Variants in AHCYL2 observed in about 807,000 individuals in gnomAD.
AHCYL2 encodes S-adenosylhomocysteine hydrolase-like protein 2.
AHCYL2 carries 28 observed loss-of-function variants against 81.4 expected under a neutral mutation model. The observed-to-expected ratio is 0.34, with a 90% CI of 0.25 to 0.47. AHCYL2 has a LOEUF of 0.47. AHCYL2 is among the 20% of genes least tolerant of loss of function. The pLI is 1.00. For missense variants in AHCYL2, 551 were observed against 785.1 expected (o/e 0.70, Z 3.56); for synonymous variants, 272 against 290.2 (o/e 0.94, Z 0.64).
In AHCYL2 at chr7:129,426,581, G is replaced by T; in HGVS notation, c.1829+18G>T. 1 of 1,610,878 alleles carries T rather than the reference G, an allele frequency of 6.2e-7. No individual in the cohort carries two copies. The highest frequency in any genetic ancestry group is 8.5e-7 in the Non-Finnish European group (1 of 1,178,470). On this transcript the variant is annotated intron_variant, in intron 16 of 16. Coordinates refer to ENST00000325006, the MANE Select transcript of AHCYL2 (RefSeq NM_015328.4). This position sits in a 1 kb window ranked among gnomAD's most constrained non-coding sequence, Gnocchi z 4.3. ...TACTACAGGTGCCTTGGGCTCCCCA[G>T]AAATCAGGGACACCTGGGCAGTGAT...
At chr7:129,344,968 A>T (rs1425350377) in intron 1 of AHCYL2, among the ~76,000 whole-genome samples, 1 of 152,170 alleles carries the variant, frequency 6.6e-6, no homozygotes, top group Non-Finnish European at 1.5e-5. Flanking sequence ...TATCCTGGCT[A>T]ACATGGTGAA....
chr7:129,260,641 C>G (rs1032382689), intron 1 of AHCYL2, among the ~76,000 whole-genome samples: 1 of 152,084 alleles, frequency 6.6e-6, no homozygotes, highest in Non-Finnish European at 1.5e-5. Flanking sequence ...GTTGCTTGAC[C>G]TGTTTCAATT....
At chr7:129,337,904 T>C (rs1393884027) in intron 1 of AHCYL2, among the ~76,000 whole-genome samples, 1 of 151,896 alleles carries the variant, frequency 6.6e-6, no homozygotes, top group Admixed American at 6.6e-5. Context: ...CCACCATGCC[T>C]GGCTAATTTT....
intron 1 of AHCYL2, among the ~76,000 whole-genome samples, chr7:129,335,711 C>G (rs771880586): frequency 3.9e-4 from 60 of 152,158 alleles, no homozygotes; most frequent in Admixed American, 1.2e-3. Flanking sequence ...TGTAGTCTTT[C>G]CAGCATGATG....
chr7:129,261,499 AC>A (rs1389413556), intron 1 of AHCYL2, among the ~76,000 whole-genome samples: 4 of 152,152 alleles, frequency 2.6e-5, no homozygotes, highest in African/African-American at 9.7e-5. Context: ...TATGTATTGG[AC>A]CTACTTTATG....
chr7:129,243,977 TTTA>T (rs1794958148), intron 1 of AHCYL2, among the ~76,000 whole-genome samples: 1 of 151,730 alleles, frequency 6.6e-6, no homozygotes, highest in East Asian at 1.9e-4. Context: ...TTTTATTTTA[TTTA>T]TTATTTTTTT....
chr7:129,289,037 C>A (rs2150748394), intron 1 of AHCYL2, among the ~76,000 whole-genome samples: 1 of 152,246 alleles, frequency 6.6e-6, no homozygotes, highest in East Asian at 1.9e-4. Context: ...CAGCCTTCGT[C>A]TTCCAAAGTG....
intron 4 of AHCYL2, among the ~76,000 whole-genome samples, chr7:129,390,313 T>A (rs1284372151): frequency 6.6e-6 from 1 of 152,220 alleles, no homozygotes; most frequent in African/African-American, 2.4e-5. Flanking sequence ...TACAGAAGGA[T>A]GTGCACAGAT....
intron 1 of AHCYL2, among the ~76,000 whole-genome samples, chr7:129,320,648 T>C (rs1159902087): frequency 6.6e-6 from 1 of 152,192 alleles, no homozygotes; most frequent in Non-Finnish European, 1.5e-5. Context: ...ATATAAATAA[T>C]ATGCCATAAA....
At position 129,426,605 on chromosome 7, in the gene AHCYL2, A is replaced by G. The variant is rs1797376031; in HGVS notation, c.1829+42A>G. ...AGAAATCAGGGACACCTGGGCAGTG[A>G]TGAGCTTCCTGCACTGGAATTGGTC... On this transcript the variant is annotated intron_variant, in intron 16 of 16. Coordinates refer to ENST00000325006, the MANE Select transcript of AHCYL2 (RefSeq NM_015328.4). This position sits in a 1 kb window ranked among gnomAD's most constrained non-coding sequence, Gnocchi z 4.3. 2.5e-6 allele frequency: 4 copies of G among 1,598,290 alleles called. No homozygotes were observed. The South Asian group carries it at 4.5e-5, about 18-fold the overall frequency.
intron 1 of AHCYL2, among the ~76,000 whole-genome samples, chr7:129,273,296 G>A (rs896571535): frequency 3.5e-5 from 5 of 143,746 alleles, no homozygotes; most frequent in Non-Finnish European, 7.6e-5. Flanking sequence ...TCTCAGTGAT[G>A]CAACTGTAAA....
At chr7:129,308,408 G>A (rs912982671) in intron 1 of AHCYL2, among the ~76,000 whole-genome samples, 4 of 152,192 alleles carry the variant, frequency 2.6e-5, no homozygotes, top group Admixed American at 2.6e-4. Context: ...CCCTGCCACA[G>A]CATACAGATT....
intron 4 of AHCYL2, among the ~76,000 whole-genome samples, chr7:129,394,905 AAACAT>A (rs1795652842): frequency 6.6e-6 from 1 of 152,206 alleles, no homozygotes; most frequent in East Asian, 1.9e-4. Context: ...TAAATAACAT[AAACAT>A]ATTAATCATA....
At chr7:129,240,843 A>C (rs140090873) in intron 1 of AHCYL2, among the ~76,000 whole-genome samples, 2 of 152,138 alleles carry the variant, frequency 1.3e-5, no homozygotes, top group Non-Finnish European at 2.9e-5. Flanking sequence ...GGACCGAGGA[A>C]TGTAGGGGGA....
chr7:129,409,769 A>G (rs1401297550), intron 11 of AHCYL2, among the ~76,000 whole-genome samples: 1 of 152,228 alleles, frequency 6.6e-6, no homozygotes, highest in African/African-American at 2.4e-5. Context: ...TTCACCCTTG[A>G]AGACAACTGT....
At chr7:129,231,859 T>TC (rs1315082940) in intron 1 of AHCYL2, among the ~76,000 whole-genome samples, 1 of 152,188 alleles carries the variant, frequency 6.6e-6, no homozygotes, top group Non-Finnish European at 1.5e-5. Context: ...GTCTCCCTTT[T>TC]CCCCAGCTGT....
At chr7:129,296,190 A>G (rs1269070167) in intron 1 of AHCYL2, among the ~76,000 whole-genome samples, 3 of 152,186 alleles carry the variant, frequency 2.0e-5, no homozygotes, top group South Asian at 2.1e-4. Flanking sequence ...TCTTATCACT[A>G]TATTTAGGAG....
At chr7:129,309,652 G>A (rs192784175) in intron 1 of AHCYL2, among the ~76,000 whole-genome samples, 42 of 152,246 alleles carry the variant, frequency 2.8e-4, no homozygotes, top group Non-Finnish European at 1.3e-4. Flanking sequence ...GCCAGCCCCC[G>A]CATTCCTGGA....
At chr7:129,248,276 C>T (rs182692123) in intron 1 of AHCYL2, among the ~76,000 whole-genome samples, 97 of 152,232 alleles carry the variant, frequency 6.4e-4, no homozygotes, top group African/African-American at 2.3e-3. Flanking sequence ...CCTTGGTTTC[C>T]TTGGGGAATT....
Sources: allele counts gnomAD v4.1 joint callset (sites outside exome capture counted in the v4.1 genomes callset), GRCh38; gene constraint gnomAD v4.1.1; non-coding constraint Gnocchi (gnomAD v3.1); transcripts MANE v1.5; gene names NCBI Gene and HGNC (gene_info 2026-07-23, HGNC 2026-07-21).